Variants in ACTR3B observed in about 807,000 individuals in gnomAD.
The protein encoded by ACTR3B is actin-related protein 3B.
ACTR3B carries 8 observed loss-of-function variants against 59.0 expected under a neutral mutation model. That is an observed-to-expected ratio of 0.14 (90% CI 0.08 to 0.24). ACTR3B has a LOEUF of 0.24. Ranked by LOEUF, ACTR3B falls within the 10% of genes least tolerant of loss-of-function variation. The probability of loss-of-function intolerance (pLI) is 1.00; values close to 1 mark genes in which losing one functional copy is unlikely to be tolerated. For synonymous variants in ACTR3B, 148 were observed against 197.9 expected (o/e 0.75, Z 2.12); for missense variants, 245 against 552.3 (o/e 0.44, Z 5.58).
At chr7:152,799,330 T>C (rs566203472) in intron 2 of ACTR3B, among the ~76,000 whole-genome samples, 1 of 152,352 alleles carries the variant, frequency 6.6e-6, no homozygotes, top group Non-Finnish European at 1.5e-5. Context: ...TGATAGCCAG[T>C]GGCCTGCTTA....
At chr7:152,807,330 T>A (rs1053235999) in intron 4 of ACTR3B, among the ~76,000 whole-genome samples, 1 of 152,052 alleles carries the variant, frequency 6.6e-6, no homozygotes, top group Non-Finnish European at 1.5e-5. Context: ...TTTAAAATGA[T>A]TTTACACCCA....
intron 2 of ACTR3B, among the ~76,000 whole-genome samples, chr7:152,783,603 C>T (rs111453460): frequency 0.097 from 13,116 of 135,502 alleles, 473 homozygotes; most frequent in African/African-American, 0.19. Context: ...TTCACTCTAT[C>T]GAAAGATTCT....
chr7:152,767,803 C>G (rs1346153477), intron 1 of ACTR3B, among the ~76,000 whole-genome samples: 2 of 151,656 alleles, frequency 1.3e-5, no homozygotes, highest in African/African-American at 2.4e-5. Context: ...TTAGTTTTTT[C>G]ATTCCTAGAT....
At chr7:152,764,900 T>C (rs1725523347) in intron 1 of ACTR3B, among the ~76,000 whole-genome samples, 1 of 152,070 alleles carries the variant, frequency 6.6e-6, no homozygotes, top group Non-Finnish European at 1.5e-5. Flanking sequence ...AAATGATATC[T>C]TAATGTCTTT....
chr7:152,763,679 C>G (rs1340464402), intron 1 of ACTR3B, among the ~76,000 whole-genome samples: 2 of 152,190 alleles, frequency 1.3e-5, no homozygotes, highest in African/African-American at 2.4e-5. Flanking sequence ...CCGCCTTGGC[C>G]TCCCAAAGTG....
intron 1 of ACTR3B, among the ~76,000 whole-genome samples, chr7:152,774,200 G>A (rs2098131113): frequency 6.6e-6 from 1 of 152,214 alleles, no homozygotes; most frequent in Admixed American, 6.5e-5. Flanking sequence ...GCAATGGCGT[G>A]ATCTCAACTC....
chr7:152,833,743 G>A (rs1252557989), intron 9 of ACTR3B, among the ~76,000 whole-genome samples: 1 of 152,152 alleles, frequency 6.6e-6, no homozygotes, highest in African/African-American at 2.4e-5. Flanking sequence ...GAGATGAATG[G>A]GTTACGTGTG....
At chr7:152,778,803 T>C (rs1248955600) in intron 1 of ACTR3B, among the ~76,000 whole-genome samples, 4 of 149,204 alleles carry the variant, frequency 2.7e-5, no homozygotes, top group African/African-American at 9.8e-5. Flanking sequence ...CTTAGCCGGG[T>C]GTGATGGCCT....
chr7:152,761,768 C>T (rs80197162), intron 1 of ACTR3B, among the ~76,000 whole-genome samples: 3,182 of 152,194 alleles, frequency 0.021, 102 homozygotes, highest in African/African-American at 0.072. Context: ...TCTTACATTT[C>T]CCAGAGAGCC....
At chr7:152,806,715 C>T (rs1400679848) in intron 4 of ACTR3B, among the ~76,000 whole-genome samples, 2 of 151,926 alleles carry the variant, frequency 1.3e-5, no homozygotes, top group East Asian at 1.9e-4. Context: ...AGGAGCTTTC[C>T]TGGCAACCAT....
chr7:152,815,017 C>A (rs1326141412), intron 5 of ACTR3B, among the ~76,000 whole-genome samples: 1 of 151,356 alleles, frequency 6.6e-6, no homozygotes, highest in East Asian at 1.9e-4. Context: ...TCTTATGAGT[C>A]CCAGTGTACT....
At chr7:152,813,318 A>G (rs1399128902) in intron 4 of ACTR3B, 2 of 147,934 alleles carry the variant, frequency 1.4e-5, no homozygotes, top group Admixed American at 1.4e-4. Context: ...AATACGAGAT[A>G]TAGACCCATA....
At position 152,854,604 on chromosome 7, in the gene ACTR3B, C is replaced by T; in HGVS notation, c.*51C>T. 3.2e-6 allele frequency: 5 copies of T among 1,578,164 alleles called. No homozygotes were observed. Among genetic ancestry groups the T allele is most frequent in the Admixed American group, 1.7e-5 (1 of 59,870 alleles). On this transcript the variant is annotated 3_prime_UTR_variant, in exon 12 of 12. Transcript: ENST00000256001. The surrounding 1 kb of genome is among the most constrained non-coding windows in gnomAD (Gnocchi z 4.9). ...GGTGTCACGTTGGGGAACAAGTGTC[C>T]TTCAGAACCCAGAGAAGGCCGCCGT...
intron 4 of ACTR3B, among the ~76,000 whole-genome samples, chr7:152,809,796 C>T (rs562343754): frequency 6.6e-6 from 1 of 152,236 alleles, no homozygotes; most frequent in African/African-American, 2.4e-5. Flanking sequence ...CCACCTCAGC[C>T]TCCTAAAGTG....
intron 2 of ACTR3B, among the ~76,000 whole-genome samples, chr7:152,799,143 A>G (rs561025229): frequency 2.6e-4 from 39 of 152,366 alleles, no homozygotes; most frequent in African/African-American, 8.7e-4. Context: ...TTGTATAGCT[A>G]CAGAGTCGTA....
intron 6 of ACTR3B, among the ~76,000 whole-genome samples, chr7:152,818,006 G>A (rs1432083205): frequency 1.3e-5 from 2 of 152,120 alleles, no homozygotes; most frequent in Non-Finnish European, 2.9e-5. Flanking sequence ...TGGCTGCCCT[G>A]CCCTGTGAAG....
At chr7:152,812,238 T>A (rs377452459) in intron 4 of ACTR3B, 1 of 92,852 alleles carries the variant, frequency 1.1e-5, no homozygotes. Flanking sequence ...ACCATGTTGG[T>A]CAGGCTGGTC....
chr7:152,817,252 C>T (rs1475895295), intron 6 of ACTR3B, among the ~76,000 whole-genome samples: 4 of 152,160 alleles, frequency 2.6e-5, no homozygotes, highest in African/African-American at 4.8e-5. Context: ...GGTGTGGTGG[C>T]GCATGCCTGT....
At chr7:152,777,275 A>G (rs1318835829) in intron 1 of ACTR3B, among the ~76,000 whole-genome samples, 1 of 152,218 alleles carries the variant, frequency 6.6e-6, no homozygotes. Flanking sequence ...TCTTTAAAAA[A>G]TATTGACTCT....
Sources: allele counts gnomAD v4.1 joint callset (sites outside exome capture counted in the v4.1 genomes callset), GRCh38; gene constraint gnomAD v4.1.1; non-coding constraint Gnocchi (gnomAD v3.1); transcripts MANE v1.5; gene names NCBI Gene and HGNC (gene_info 2026-07-23, HGNC 2026-07-21).